SYT10: variants seen among roughly 807,000 people sequenced by gnomAD.
SYT10 encodes the protein synaptotagmin 10, also known as synaptotagmin-10.
Under a neutral mutation model 51.1 loss-of-function variants are expected in SYT10, and 31 were observed. The ratio of observed to expected loss-of-function variants is 0.61; its 90% CI spans 0.46 to 0.82. SYT10 has a LOEUF of 0.82. SYT10 is among the 40% of genes least tolerant of loss of function. The pLI, the probability that SYT10 is intolerant of heterozygous loss-of-function variation, is 0.00. For missense variants in SYT10, 603 were observed against 634.0 expected (o/e 0.95, Z 0.53); for synonymous variants, 233 against 225.9 (o/e 1.03, Z -0.28).
At chr12:33,424,693 A>C (rs1866534570) in intron 2 of SYT10, among the ~76,000 whole-genome samples, 1 of 151,988 alleles carries the variant, frequency 6.6e-6, no homozygotes, top group African/African-American at 2.4e-5. Context: ...ATGTAAAAAA[A>C]AGTGGCTTAT....
intron 3 of SYT10, among the ~76,000 whole-genome samples, chr12:33,385,982 G>T (rs1456443352): frequency 6.6e-6 from 1 of 152,052 alleles, no homozygotes; most frequent in African/African-American, 2.4e-5. Flanking sequence ...GGACATTCCT[G>T]GTTTATACCT....
chr12:33,439,365 C>G lies in SYT10; in HGVS notation c.151+7G>C, dbSNP rs753589651. Reference sequence around the variant, plus strand: ...CGCGAGGACGCGAGCGGAGCCCTCCCGGTTACCTGTGCTGCTTCCGCCCTG... The same window carrying G: ...CGCGAGGACGCGAGCGGAGCCCTCCGGGTTACCTGTGCTGCTTCCGCCCTG... On this transcript the variant is annotated splice_region_variant and intron_variant, in intron 1 of 6. Coordinates refer to ENST00000228567, the MANE Select transcript of SYT10 (RefSeq NM_198992.4). 1.6e-5 allele frequency: 26 copies of G among 1,610,792 alleles called. No homozygotes were observed. The highest frequency in any genetic ancestry group is 2.1e-5 in the Non-Finnish European group (25 of 1,178,684).
At chr12:33,379,198 T>TTACTCTG (rs112978228) in intron 6 of SYT10, among the ~76,000 whole-genome samples, 2,159 of 152,234 alleles carry the variant, frequency 0.014, 53 homozygotes, top group African/African-American at 0.049. Flanking sequence ...ACTCTGAGTT[T>TTACTCTG]ACCACTATTT....
In SYT10 at chr12:33,426,062, TCACACACACACACACA is replaced by T. The variant is rs3046353; in HGVS notation, c.509+60_509+75del. ...TAAAGTTTTTCTCTCTTATGAAATT[TCACACACACACACACA>T]CACACACACACACACACACACGCAC... On this transcript the variant is annotated intron_variant, in intron 2 of 6. Coordinates refer to ENST00000228567, the MANE Select transcript of SYT10 (RefSeq NM_198992.4). 12 of 1,205,968 alleles carry T rather than the reference TCACACACACACACACA, an allele frequency of 1.0e-5. No individual in the cohort carries two copies. The Admixed American group carries it at 1.6e-4, about 17-fold the overall frequency. 74.7% of individuals were successfully genotyped at this position (1,205,968 alleles called of 1,614,324 possible). A position where few individuals can be genotyped will look rare whatever the true frequency, so the allele number is the denominator to read the frequency against.
At chr12:33,396,260 T>G (rs556786026) in intron 3 of SYT10, among the ~76,000 whole-genome samples, 11 of 152,316 alleles carry the variant, frequency 7.2e-5, no homozygotes, top group South Asian at 2.1e-4. Context: ...TATACAATTA[T>G]GTAATTTGGG....
Position 33,425,560 on chromosome 12 carries a change from T to C in SYT10, c.509+578A>G, listed in dbSNP as rs1225421818. ...CCATATGCCCATGATATTTGGCCTC[T>C]TGTGGAACTTATACTTTGCCCAGTG... On this transcript the variant is annotated intron_variant, in intron 2 of 6. Coordinates refer to ENST00000228567, the MANE Select transcript of SYT10 (RefSeq NM_198992.4). 2.0e-5 allele frequency among the ~76,000 whole-genome samples: 3 copies of C among 152,304 alleles called. No individual in the cohort carries two copies. The East Asian group carries it at 5.8e-4, about 29-fold the overall frequency.
intron 1 of SYT10, among the ~76,000 whole-genome samples, chr12:33,433,733 G>A (rs1159256656): frequency 6.6e-6 from 1 of 152,140 alleles, no homozygotes; most frequent in Non-Finnish European, 1.5e-5. Flanking sequence ...TGAGATATGG[G>A]TCATAATTGC....
intron 3 of SYT10, 48 bp from the exon 4 acceptor site, chr12:33,385,339 A>G (rs1233646987): frequency 5.0e-6 from 8 of 1,602,142 alleles, no homozygotes; most frequent in Non-Finnish European, 6.8e-6. Flanking sequence ...TGAAGGGTGA[A>G]AACCAAAAAT....
intron 6 of SYT10, among the ~76,000 whole-genome samples, chr12:33,379,247 C>T (rs1191877870): frequency 6.6e-6 from 1 of 151,992 alleles, no homozygotes; most frequent in Non-Finnish European, 1.5e-5. Flanking sequence ...AAGTAACTTG[C>T]CCGAGGTTTC....
At chr12:33,429,914 G>T (rs1455009110) in intron 1 of SYT10, among the ~76,000 whole-genome samples, 4 of 152,144 alleles carry the variant, frequency 2.6e-5, no homozygotes, top group African/African-American at 7.2e-5. Context: ...CCAGGGAGAT[G>T]AATCTGAATG....
At chr12:33,390,515 C>T (rs1866195007) in intron 3 of SYT10, among the ~76,000 whole-genome samples, 1 of 151,814 alleles carries the variant, frequency 6.6e-6, no homozygotes, top group Admixed American at 6.6e-5. Context: ...TTTTTTTCTG[C>T]CTTCATCTTA....
At chr12:33,384,976 A>G (rs1866144687) in intron 4 of SYT10, among the ~76,000 whole-genome samples, 195 bp downstream of exon 4, 2 of 152,226 alleles carry the variant, frequency 1.3e-5, no homozygotes, top group African/African-American at 4.8e-5. Context: ...TCTATTTGAT[A>G]ACACCTTTTA....
chr12:33,401,958 C>G (rs1866310769), intron 3 of SYT10, among the ~76,000 whole-genome samples: 1 of 152,184 alleles, frequency 6.6e-6, no homozygotes, highest in Admixed American at 6.5e-5. Context: ...AGACAAATAC[C>G]TGCAGAATGT....
intron 3 of SYT10, among the ~76,000 whole-genome samples, chr12:33,403,976 A>C (rs1480427789): frequency 2.0e-5 from 3 of 152,216 alleles, no homozygotes; most frequent in Non-Finnish European, 4.4e-5. Flanking sequence ...TGTGTGGTTC[A>C]ATGTTCTAGT....
intron 1 of SYT10, among the ~76,000 whole-genome samples, chr12:33,436,730 C>T (rs1365670698): frequency 6.6e-6 from 1 of 152,148 alleles, no homozygotes; most frequent in Non-Finnish European, 1.5e-5. Flanking sequence ...ACTGGAATTA[C>T]CTGAATTTCT....
At chr12:33,417,119 A>G (rs184354213) in intron 2 of SYT10, among the ~76,000 whole-genome samples, 1 of 152,200 alleles carries the variant, frequency 6.6e-6, no homozygotes, top group Non-Finnish European at 1.5e-5. Flanking sequence ...GAGAAGGTAT[A>G]AAATGGTGTG....
At chr12:33,406,080 A>C (rs1235045753) in intron 3 of SYT10, among the ~76,000 whole-genome samples, 2 of 152,062 alleles carry the variant, frequency 1.3e-5, no homozygotes, top group Non-Finnish European at 2.9e-5. Context: ...GGAAAGCAAT[A>C]TGCCAAAATA....
intron 4 of SYT10, 74 bp downstream of exon 4, chr12:33,385,097 A>G (rs1459311293): frequency 2.6e-6 from 4 of 1,557,366 alleles, no homozygotes; most frequent in Non-Finnish European, 2.6e-6. Context: ...TTCAGTAGTC[A>G]TGTATCATTT....
chr12:33,418,584 C>T (rs1161492580), intron 2 of SYT10, among the ~76,000 whole-genome samples: 1 of 152,166 alleles, frequency 6.6e-6, no homozygotes, highest in Non-Finnish European at 1.5e-5. Context: ...TCACTCCATT[C>T]ACAGTCTCAT....
Sources: allele counts gnomAD v4.1 joint callset (sites outside exome capture counted in the v4.1 genomes callset), GRCh38; gene constraint gnomAD v4.1.1; transcripts MANE v1.5; gene names NCBI Gene and HGNC (gene_info 2026-07-23, HGNC 2026-07-21).